Variants in BTBD9 observed in about 807,000 individuals in gnomAD.
The protein encoded by BTBD9 is BTB/POZ domain-containing protein 9.
Under a neutral mutation model 64.3 loss-of-function variants are expected in BTBD9, and 49 were observed. That is an observed-to-expected ratio of 0.76 (90% confidence interval 0.61 to 0.97). The LOEUF (loss-of-function observed/expected upper bound fraction) is 0.97. Ranked by LOEUF, BTBD9 falls within the 50% of genes least tolerant of loss-of-function variation. BTBD9 has a pLI of 0.00. For missense variants in BTBD9, 598 were observed against 762.1 expected (o/e 0.78, Z 2.53); for synonymous variants, 260 against 274.7 (o/e 0.95, Z 0.53).
chr6:38,539,180 T>C (rs1436018393), intron 6 of BTBD9, among the ~76,000 whole-genome samples: 2 of 152,098 alleles, frequency 1.3e-5, no homozygotes, highest in East Asian at 1.9e-4. Context: ...AATCCTCCCA[T>C]CTTGGCCTCC....
chr6:38,375,689 G>T (rs1434307977), intron 6 of BTBD9, among the ~76,000 whole-genome samples: 1 of 152,112 alleles, frequency 6.6e-6, no homozygotes, highest in Non-Finnish European at 1.5e-5. Flanking sequence ...CTGTGGAAAA[G>T]GGCAAGTTGG....
chr6:38,199,449 A>C (rs1055592911), intron 9 of BTBD9, among the ~76,000 whole-genome samples: 6 of 152,186 alleles, frequency 3.9e-5, no homozygotes, highest in African/African-American at 1.4e-4. Context: ...CTATGGAATA[A>C]GCCCATTTTT....
chr6:38,597,979 G>C lies in BTBD9; in HGVS notation c.116C>G (p.Thr39Arg). 1 of 1,614,006 alleles carries C rather than the reference G, an allele frequency of 6.2e-7. No individual in the cohort carries two copies. The highest frequency in any genetic ancestry group is 8.5e-7 in the Non-Finnish European group (1 of 1,179,878). Residue 39 changes from threonine (T) to arginine (R), a missense_variant, in exon 2 of 11, where the codon ACA becomes AGA. Thr to Arg is a moderately conservative substitution (Grantham distance 71). Transcript: ENST00000481247. The stretch of plus-strand genomic sequence containing the variant: ...AAAACGTTTCTTTTCCACCACGAAT[G>C]TGACGTCGCCATATTCTTCCCCAAT... Reference protein sequence around the residue: ...LLIGEEYGDVTFVVEKKRFPA... With the variant: ...LLIGEEYGDVRFVVEKKRFPA...
rs1265828387 is a variant in BTBD9, at chr6:38,619,962, CT to C, written c.-28+19837del. On this transcript the variant is annotated intron_variant, in intron 1 of 10. Coordinates refer to ENST00000481247, the MANE Select transcript of BTBD9 (RefSeq NM_001099272.2). The stretch of plus-strand genomic sequence containing the variant: ...GAATAAGTTGCCCATTTGTTGCCCC[CT>C]ACTTGAGGAGGGAATCAACCCTGAA... Among the ~76,000 whole-genome samples the C allele has an allele frequency of 4.6e-5, 7 of 152,280 alleles. No homozygotes were observed. The East Asian group carries it at 1.3e-3, about 29-fold the overall frequency.
intron 6 of BTBD9, among the ~76,000 whole-genome samples, chr6:38,394,675 A>G (rs1053426714): frequency 2.0e-5 from 3 of 152,146 alleles, no homozygotes; most frequent in Admixed American, 2.0e-4. Context: ...GGAAAAAAAA[A>G]AACATGGCAG....
chr6:38,426,584 C>T (rs548114497), intron 6 of BTBD9, among the ~76,000 whole-genome samples: 1 of 152,036 alleles, frequency 6.6e-6, no homozygotes, highest in South Asian at 2.1e-4. Flanking sequence ...CTTCCGGATC[C>T]GGCAGGGTGT....
intron 2 of BTBD9, among the ~76,000 whole-genome samples, chr6:38,594,634 T>C (rs1776960923): frequency 3.3e-5 from 5 of 152,304 alleles, no homozygotes; most frequent in South Asian, 4.1e-4. Context: ...GAAGTTGATA[T>C]AAAGATGTTA....
At chr6:38,434,448 T>C (rs1768612090) in intron 6 of BTBD9, among the ~76,000 whole-genome samples, 1 of 151,908 alleles carries the variant, frequency 6.6e-6, no homozygotes, top group Non-Finnish European at 1.5e-5. Flanking sequence ...CTGAAACACC[T>C]CCCAGCCCCG....
chr6:38,516,160 C>T (rs1358117787), intron 6 of BTBD9, among the ~76,000 whole-genome samples: 2 of 151,860 alleles, frequency 1.3e-5, no homozygotes, highest in Non-Finnish European at 2.9e-5. Flanking sequence ...GGGCAGGAAA[C>T]AAGTAACCAA....
At chr6:38,252,894 G>T (rs1764449234) in intron 9 of BTBD9, among the ~76,000 whole-genome samples, 1 of 152,180 alleles carries the variant, frequency 6.6e-6, no homozygotes. Context: ...ATCACCTGAG[G>T]TCAGGAGTTC....
chr6:38,529,909 C>A (rs1411530545), intron 6 of BTBD9, among the ~76,000 whole-genome samples: 1 of 152,166 alleles, frequency 6.6e-6, no homozygotes, highest in Non-Finnish European at 1.5e-5. Context: ...TAAGGTCTGA[C>A]TGCCTGCGGG....
intron 6 of BTBD9, among the ~76,000 whole-genome samples, chr6:38,570,132 C>T (rs377210508): frequency 1.3e-5 from 2 of 152,082 alleles, no homozygotes; most frequent in African/African-American, 4.8e-5. Context: ...AAAATATCCC[C>T]GGTTGTTCAT....
chr6:38,183,366 T>G (rs1304728097), intron 10 of BTBD9, among the ~76,000 whole-genome samples: 1 of 152,216 alleles, frequency 6.6e-6, no homozygotes, highest in Non-Finnish European at 1.5e-5. Context: ...TAAGATCTAG[T>G]TCACTCTCCT....
chr6:38,553,503 A>G (rs1419673776), intron 6 of BTBD9, among the ~76,000 whole-genome samples: 3 of 152,212 alleles, frequency 2.0e-5, no homozygotes, highest in African/African-American at 4.8e-5. Context: ...CCCTTACACT[A>G]TATTCCCTAA....
intron 6 of BTBD9, among the ~76,000 whole-genome samples, chr6:38,540,078 T>C (rs1774199393): frequency 6.6e-6 from 1 of 152,218 alleles, no homozygotes; most frequent in Non-Finnish European, 1.5e-5. Flanking sequence ...AGCACTTCTA[T>C]ATGTACTCCA....
At chr6:38,242,610 T>C (rs759010108) in intron 9 of BTBD9, among the ~76,000 whole-genome samples, 6 of 152,358 alleles carry the variant, frequency 3.9e-5, no homozygotes, top group Non-Finnish European at 7.4e-5. Context: ...AACAAGATGG[T>C]TCCCAAATGT....
chr6:38,330,752 T>A (rs1763644223), intron 7 of BTBD9, among the ~76,000 whole-genome samples: 1 of 152,138 alleles, frequency 6.6e-6, no homozygotes, highest in Admixed American at 6.5e-5. Flanking sequence ...TAGATATAAA[T>A]CTATGATATA....
chr6:38,222,655 C>T (rs1452436280), intron 9 of BTBD9, among the ~76,000 whole-genome samples: 1 of 152,140 alleles, frequency 6.6e-6, no homozygotes, highest in African/African-American at 2.4e-5. Context: ...ATATGTAACA[C>T]TCATCTCTGT....
chr6:38,525,947 G>C (rs1325085105), intron 6 of BTBD9, among the ~76,000 whole-genome samples: 1 of 152,204 alleles, frequency 6.6e-6, no homozygotes, highest in Non-Finnish European at 1.5e-5. Context: ...TGGCCCTGTA[G>C]TAGAAAAGAA....
Sources: allele counts gnomAD v4.1 joint callset (sites outside exome capture counted in the v4.1 genomes callset), GRCh38; gene constraint gnomAD v4.1.1; transcripts MANE v1.5; gene names NCBI Gene and HGNC (gene_info 2026-07-23, HGNC 2026-07-21).